SPSB1: variants seen among roughly 807,000 people sequenced by gnomAD.
SPSB1 encodes splA/ryanodine receptor domain and SOCS box containing 1, also known as SPRY domain-containing SOCS box protein 1.
Under a neutral mutation model 21.2 loss-of-function variants are expected in SPSB1, and 8 were observed. The ratio of observed to expected loss-of-function variants is 0.38; its 90% CI spans 0.22 to 0.68. The LOEUF (loss-of-function observed/expected upper bound fraction) is 0.68, where lower values mean the gene tolerates loss of function less well. Ranked by LOEUF, SPSB1 falls within the 30% of genes least tolerant of loss-of-function variation. The pLI, the probability that SPSB1 is intolerant of heterozygous loss-of-function variation, is 0.53. For missense variants in SPSB1, 242 were observed against 377.8 expected, an observed-to-expected ratio of 0.64 and a Z score of 2.98; for synonymous variants, 169 against 161.7, an observed-to-expected ratio of 1.05 and a Z score of -0.34.
Position 9,324,826 on chromosome 1 carries a change from G to A in SPSB1, c.-149-30917G>A, listed in dbSNP as rs557923312. On this transcript the variant is annotated intron_variant, in intron 1 of 2. Transcript: ENST00000328089. This position sits in a 1 kb window ranked among gnomAD's most constrained non-coding sequence, Gnocchi z 4.3. Reference sequence around the variant, plus strand: ...AGAGCCAACACTGGGCCAGACAGTCGTGTTTGCGACAAGTCTGTTCGCCTG... The same window carrying A: ...AGAGCCAACACTGGGCCAGACAGTCATGTTTGCGACAAGTCTGTTCGCCTG... Among the ~76,000 whole-genome samples, 11 of 152,336 alleles carry A rather than the reference G, an allele frequency of 7.2e-5. No individual in the cohort carries two copies. Among genetic ancestry groups the A allele is most frequent in the South Asian group, 2.1e-4 (1 of 4,830 alleles).
intron 1 of SPSB1, among the ~76,000 whole-genome samples, chr1:9,350,101 TACAC>T (rs140319727): frequency 2.6e-5 from 4 of 151,102 alleles, no homozygotes; most frequent in Non-Finnish European, 5.9e-5. Flanking sequence ...CTCACATATC[TACAC>T]ACACACACAC....
intron 1 of SPSB1, among the ~76,000 whole-genome samples, chr1:9,326,625 T>A (rs560803723): frequency 5.9e-5 from 9 of 152,298 alleles, no homozygotes; most frequent in Non-Finnish European, 1.3e-4. Flanking sequence ...ACCAGAGGCC[T>A]TGCTGAGGCT....
intron 1 of SPSB1, among the ~76,000 whole-genome samples, chr1:9,298,861 G>A (rs1639269584): frequency 6.6e-6 from 1 of 152,234 alleles, no homozygotes; most frequent in African/African-American, 2.4e-5. Flanking sequence ...TCCCTGCCTT[G>A]TGCGGTGAGG....
chr1:9,309,828 T>C (rs1055300636), intron 1 of SPSB1, among the ~76,000 whole-genome samples: 1 of 152,150 alleles, frequency 6.6e-6, no homozygotes, highest in African/African-American at 2.4e-5. Flanking sequence ...GGCAATAGTG[T>C]GTGACTTTGT....
chr1:9,300,476 C>G (rs1639310245), intron 1 of SPSB1, among the ~76,000 whole-genome samples: 1 of 152,198 alleles, frequency 6.6e-6, no homozygotes, highest in Non-Finnish European at 1.5e-5. Flanking sequence ...TTGGCAGGCC[C>G]CTGTAGATGA....
At position 9,316,635 on chromosome 1, in the gene SPSB1, C is replaced by T. The variant is rs111801874; in HGVS notation, c.-150+23564C>T. 4.9e-3 allele frequency among the ~76,000 whole-genome samples: 751 copies of T among 152,312 alleles called. 7 individuals carry two copies. Among genetic ancestry groups the T allele is most frequent in the African/African-American group, 0.017 (720 of 41,564 alleles). ...GCGTTTTGCTACCTTAGAGCCCACC[C>T]GTTCCCGCCATCTTGGGGCACAGGC... is the stretch of plus-strand genomic sequence containing the variant. On this transcript the variant is annotated intron_variant, in intron 1 of 2. Transcript: ENST00000328089.
At chr1:9,362,326 C>T (rs1443375543) in intron 2 of SPSB1, among the ~76,000 whole-genome samples, 1 of 152,232 alleles carries the variant, frequency 6.6e-6, no homozygotes, top group Non-Finnish European at 1.5e-5. Context: ...GGTGTCTGAT[C>T]ACCTAGGTGG....
Position 9,356,562 on chromosome 1 carries a change from T to C in SPSB1, c.671T>C (p.Met224Thr). 1.3e-6 allele frequency: 2 copies of C among 1,599,876 alleles called. No homozygotes were observed. The highest frequency in any genetic ancestry group is 1.7e-6 in the Non-Finnish European group (2 of 1,169,284). The change falls in exon 2 of 3, where the codon ATG becomes ACG. Residue 224 changes from methionine (M) to threonine (T), a missense_variant. Physicochemically the swap from Met to Thr is moderately conservative, Grantham distance 81. Transcript: ENST00000328089. This position sits in a 1 kb window ranked among gnomAD's most constrained non-coding sequence, Gnocchi z 7.4. The part of the protein sequence containing the change: ...SAVWGHCEIR[M>T]RYLNGLDPEP... ...GTCTGGGGCCACTGTGAGATCCGAA[T>C]GCGCTACTTGAACGGACTCGATCGT...
chr1:9,303,017 G>C (rs1256692743), intron 1 of SPSB1, among the ~76,000 whole-genome samples: 3 of 152,196 alleles, frequency 2.0e-5, no homozygotes, highest in Non-Finnish European at 2.9e-5. Flanking sequence ...CATTGAACGG[G>C]GGGTAAGGCT....
intron 1 of SPSB1, among the ~76,000 whole-genome samples, chr1:9,344,400 G>A (rs761471329): frequency 1.3e-5 from 2 of 152,106 alleles, no homozygotes; most frequent in Admixed American, 6.5e-5. Context: ...TTTCCTCACC[G>A]CCAGACAGAG....
intron 1 of SPSB1, among the ~76,000 whole-genome samples, chr1:9,332,762 G>T (rs1399943834): frequency 6.6e-6 from 1 of 152,210 alleles, no homozygotes; most frequent in African/African-American, 2.4e-5. Flanking sequence ...CAGTTGAGAG[G>T]TAGAGAGAGG....
intron 1 of SPSB1, among the ~76,000 whole-genome samples, chr1:9,313,340 C>T (rs759279396): frequency 6.6e-6 from 1 of 152,192 alleles, no homozygotes; most frequent in Non-Finnish European, 1.5e-5. Context: ...GCAGAGGCTG[C>T]AGTGAGCCAA....
intron 2 of SPSB1, among the ~76,000 whole-genome samples, chr1:9,364,149 C>G (rs2142575): frequency 3.9e-5 from 6 of 152,096 alleles, no homozygotes; most frequent in African/African-American, 1.2e-4. Flanking sequence ...TTTCCAGCCA[C>G]GAGGGAGAGC....
chr1:9,349,474 G>A (rs574381898), intron 1 of SPSB1, among the ~76,000 whole-genome samples: 3 of 152,264 alleles, frequency 2.0e-5, no homozygotes, highest in Non-Finnish European at 4.4e-5. Context: ...GCCAAGGGAC[G>A]TGGAGCGTGA....
intron 1 of SPSB1, among the ~76,000 whole-genome samples, chr1:9,352,093 AG>A (rs1187334082): frequency 1.3e-5 from 2 of 152,118 alleles, no homozygotes; most frequent in Admixed American, 1.3e-4. Context: ...GGTGGAGGGA[AG>A]GTGGGTGGAG....
At position 9,321,861 on chromosome 1, in the gene SPSB1, A is replaced by C. The variant is rs1337563597; in HGVS notation, c.-150+28790A>C. ...GCAGAAGTATCTTGGGTGGTGTTTTATGGGCAGAGTGGGGTGGGGAATATG... is the reference window on the plus strand; with the variant it reads ...GCAGAAGTATCTTGGGTGGTGTTTTCTGGGCAGAGTGGGGTGGGGAATATG... On this transcript the variant is annotated intron_variant, in intron 1 of 2. Coordinates refer to ENST00000328089, the MANE Select transcript of SPSB1 (RefSeq NM_025106.4). This position sits in a 1 kb window ranked among gnomAD's most constrained non-coding sequence, Gnocchi z 4.8. 6.6e-6 allele frequency among the ~76,000 whole-genome samples: 1 copy of C among 152,074 alleles called. No individual in the cohort carries two copies. Among genetic ancestry groups the C allele is most frequent in the Admixed American group, 6.6e-5 (1 of 15,266 alleles).
At chr1:9,354,183 G>C (rs972677427) in intron 1 of SPSB1, among the ~76,000 whole-genome samples, 12 of 152,276 alleles carry the variant, frequency 7.9e-5, no homozygotes, top group Admixed American at 5.2e-4. Flanking sequence ...GCCCTCTGAG[G>C]TCCCTGGATT....
intron 1 of SPSB1, among the ~76,000 whole-genome samples, chr1:9,309,303 T>A (rs780767205): frequency 0.12 from 5,610 of 47,202 alleles, 111 homozygotes; most frequent in African/African-American, 0.17. Flanking sequence ...AGAGAGAGAG[T>A]GTGTGTGTGT....
Position 9,367,727 on chromosome 1 carries a change from A to G in SPSB1, c.*152A>G, listed in dbSNP as rs1460883958. The G allele has an allele frequency of 6.5e-6, 8 of 1,236,706 alleles. No individual in the cohort carries two copies. Among genetic ancestry groups the G allele is most frequent in the South Asian group, 3.2e-5 (2 of 63,472 alleles). 76.6% of individuals were successfully genotyped at this position (1,236,706 alleles called of 1,614,324 possible). ...TCCCTCATCCTCCGTGGCTGCCTCC[A>G]TGGGACAAGGACCGATTCCAACACA... On this transcript the variant is annotated 3_prime_UTR_variant, in exon 3 of 3. Transcript: ENST00000328089. This position sits in a 1 kb window ranked among gnomAD's most constrained non-coding sequence, Gnocchi z 5.9.
Sources: gnomAD v4.1 joint callset for allele counts (sites outside exome capture counted in the v4.1 genomes callset) on GRCh38, gnomAD v4.1.1 for gene constraint, Gnocchi (gnomAD v3.1) non-coding constraint, MANE v1.5 for transcripts, NCBI Gene and HGNC (gene_info 2026-07-23, HGNC 2026-07-21) for gene names.